GALNT17: variants seen among roughly 807,000 people sequenced by gnomAD.
GALNT17 encodes the protein UDP-GalNAc:polypeptide N-acetylgalactosaminyltransferase-like 3.
In GALNT17, 29 loss-of-function variants were observed where a neutral mutation model predicts 63.7. The ratio of observed to expected loss-of-function variants is 0.46; its 90% CI spans 0.34 to 0.62. GALNT17 has a LOEUF of 0.62. Among genes scored for constraint, GALNT17 ranks in the 20% least tolerant of loss-of-function variants. GALNT17 has a pLI of 0.01. For synonymous variants in GALNT17, 305 were observed against 318.3 expected (o/e 0.96, Z 0.45); for missense variants, 603 against 799.6 (o/e 0.75, Z 2.97).
chr7:71,619,097 C>G (rs758430818), intron 6 of GALNT17, among the ~76,000 whole-genome samples: 9 of 152,120 alleles, frequency 5.9e-5, no homozygotes, highest in African/African-American at 2.2e-4. Context: ...TTTTTGGCAG[C>G]CTTTTTAAAG....
At chr7:71,243,648 C>T (rs1562942536) in intron 1 of GALNT17, among the ~76,000 whole-genome samples, 1 of 152,070 alleles carries the variant, frequency 6.6e-6, no homozygotes, top group South Asian at 2.1e-4. Flanking sequence ...CAAGTGACCC[C>T]CCCATCTTGG....
intron 6 of GALNT17, among the ~76,000 whole-genome samples, chr7:71,599,850 AT>A (rs1471568712): frequency 6.6e-6 from 1 of 151,910 alleles, no homozygotes; most frequent in Non-Finnish European, 1.5e-5. Context: ...CACTATTGCA[AT>A]TGACATTTTG....
intron 4 of GALNT17, 102 bp downstream of exon 4, chr7:71,416,165 C>T (rs1468335975): frequency 1.5e-6 from 2 of 1,318,974 alleles, no homozygotes; most frequent in Non-Finnish European, 2.1e-6. Flanking sequence ...CCTGTAGTGG[C>T]ACTGGGAGAC....
chr7:71,135,682 A>G (rs994358271), intron 1 of GALNT17, among the ~76,000 whole-genome samples: 1 of 152,208 alleles, frequency 6.6e-6, no homozygotes, highest in Non-Finnish European at 1.5e-5. Context: ...CAAACTTGGG[A>G]CAGGGCCCTC....
intron 9 of GALNT17, among the ~76,000 whole-genome samples, chr7:71,678,208 T>G (rs1791181391): frequency 6.6e-6 from 1 of 151,802 alleles, no homozygotes; most frequent in Non-Finnish European, 1.5e-5. Flanking sequence ...CAGTGCAACC[T>G]CCGCCTTCTG....
At chr7:71,490,365 A>G (rs758899540) in intron 5 of GALNT17, among the ~76,000 whole-genome samples, 1 of 152,098 alleles carries the variant, frequency 6.6e-6, no homozygotes, top group Non-Finnish European at 1.5e-5. Context: ...ATTCAGGTGC[A>G]TCTGCCATAC....
intron 1 of GALNT17, among the ~76,000 whole-genome samples, chr7:71,312,365 C>T (rs1329284064): frequency 6.6e-6 from 1 of 152,228 alleles, no homozygotes; most frequent in Non-Finnish European, 1.5e-5. Flanking sequence ...CTTCTACCAG[C>T]TCTTATCATC....
intron 5 of GALNT17, among the ~76,000 whole-genome samples, chr7:71,507,825 T>A (rs190484102): frequency 2.0e-5 from 3 of 152,270 alleles, no homozygotes; most frequent in African/African-American, 7.2e-5. Flanking sequence ...TCTCAAATGA[T>A]AAGCCTAATT....
At chr7:71,572,417 G>T (rs1186214613) in intron 6 of GALNT17, among the ~76,000 whole-genome samples, 1 of 140,612 alleles carries the variant, frequency 7.1e-6, no homozygotes, top group Non-Finnish European at 1.5e-5. Context: ...CAAGAAGATC[G>T]CTTGAGCCCA....
At chr7:71,427,102 T>C (rs1361883191) in intron 5 of GALNT17, among the ~76,000 whole-genome samples, 18 of 148,682 alleles carry the variant, frequency 1.2e-4, no homozygotes, top group Non-Finnish European at 2.7e-4. Context: ...TTTTTTGAGA[T>C]GGAGTCTTGC....
intron 1 of GALNT17, among the ~76,000 whole-genome samples, chr7:71,254,664 T>C (rs1790257894): frequency 6.6e-6 from 1 of 152,134 alleles, no homozygotes; most frequent in Admixed American, 6.5e-5. Flanking sequence ...CAGGTTTCTT[T>C]GGAATGCCCT....
intron 1 of GALNT17, among the ~76,000 whole-genome samples, chr7:71,149,697 G>T (rs1244646293): frequency 5.3e-5 from 8 of 152,174 alleles, no homozygotes; most frequent in Non-Finnish European, 1.2e-4. Context: ...AAAAGGCTTT[G>T]CTTATATTTG....
rs1266974345 is a variant in GALNT17, at chr7:71,153,980, T to C, written c.238+20940T>C. Among the ~76,000 whole-genome samples, 4 of 152,080 alleles carry C rather than the reference T, an allele frequency of 2.6e-5. 1 individual carries two copies. In the South Asian group the frequency reaches 8.3e-4, roughly 32 times the overall value. Reference sequence around the variant, plus strand: ...AAAAATGTATCTGCAAATTTGACACTTTCCCCATCAAACGGTAGAGTTTAA... The same window carrying C: ...AAAAATGTATCTGCAAATTTGACACCTTCCCCATCAAACGGTAGAGTTTAA... On this transcript the variant is annotated intron_variant, in intron 1 of 10. Coordinates refer to ENST00000333538, the MANE Select transcript of GALNT17 (RefSeq NM_022479.3).
chr7:71,690,019 C>CTTTTTTTTTTTTTTTT (rs36049127), intron 9 of GALNT17, among the ~76,000 whole-genome samples: 1 of 142,826 alleles, frequency 7.0e-6, no homozygotes. Context: ...TACTGAATAT[C>CTTTTTTTTTTTTTTTT]TTTTTTTTTT....
intron 1 of GALNT17, among the ~76,000 whole-genome samples, chr7:71,261,306 A>G (rs1218238948): frequency 6.6e-6 from 1 of 152,066 alleles, no homozygotes; most frequent in Non-Finnish European, 1.5e-5. Flanking sequence ...CAGTTTTTCC[A>G]CTTGCCAGGC....
At chr7:71,260,513 AAATATTCT>A (rs1790366785) in intron 1 of GALNT17, among the ~76,000 whole-genome samples, 1 of 152,180 alleles carries the variant, frequency 6.6e-6, no homozygotes, top group African/African-American at 2.4e-5. Context: ...ATTCTCCTAG[AAATATTCT>A]ACTCCTCCTC....
At chr7:71,475,426 C>T (rs1351466558) in intron 5 of GALNT17, among the ~76,000 whole-genome samples, 1 of 152,156 alleles carries the variant, frequency 6.6e-6, no homozygotes, top group Non-Finnish European at 1.5e-5. Context: ...GCATTAGATT[C>T]TCATAAGGAG....
chr7:71,450,256 C>A (rs2116547010), intron 5 of GALNT17, among the ~76,000 whole-genome samples: 1 of 151,780 alleles, frequency 6.6e-6, no homozygotes, highest in Non-Finnish European at 1.5e-5. Flanking sequence ...TTGCCTCAGC[C>A]TCGCGAGTAG....
chr7:71,590,437 C>G (rs1473297279), intron 6 of GALNT17, among the ~76,000 whole-genome samples: 1 of 152,208 alleles, frequency 6.6e-6, no homozygotes, highest in African/African-American at 2.4e-5. Context: ...AAGCCTGTCA[C>G]TCTCATTCAT....
Sources: allele counts gnomAD v4.1 joint callset (sites outside exome capture counted in the v4.1 genomes callset), GRCh38; gene constraint gnomAD v4.1.1; transcripts MANE v1.5; gene names NCBI Gene and HGNC (gene_info 2026-07-23, HGNC 2026-07-21).